RASSF3: variants seen among roughly 807,000 people sequenced by gnomAD.
RASSF3 encodes the protein Ras association domain family member 3.
Under a neutral mutation model 19.9 loss-of-function variants are expected in RASSF3, and 19 were observed. The ratio of observed to expected loss-of-function variants is 0.96; its 90% CI spans 0.67 to 1.40. The LOEUF (loss-of-function observed/expected upper bound fraction) is 1.40, where lower values mean the gene tolerates loss of function less well. Ranked by LOEUF, RASSF3 falls within the 40% of genes most tolerant of loss-of-function variation. The pLI is 0.00. For missense variants in RASSF3, 306 were observed against 289.8 expected, an observed-to-expected ratio of 1.06 and a Z score of -0.41; for synonymous variants, 110 against 104.2, an observed-to-expected ratio of 1.06 and a Z score of -0.34.
intron 1 of RASSF3, among the ~76,000 whole-genome samples, chr12:64,515,042 A>T (rs993946703): frequency 2.7e-5 from 4 of 150,470 alleles, no homozygotes; most frequent in Non-Finnish European, 4.4e-5. Context: ...TTATTTATTT[A>T]TCATTTATTT....
At chr12:64,508,448 C>T (rs962618325) in intron 1 of RASSF3, among the ~76,000 whole-genome samples, 5 of 151,182 alleles carry the variant, frequency 3.3e-5, no homozygotes, top group Admixed American at 6.6e-5. Context: ...ACCTGGGAGG[C>T]GAAGGTTGCA....
chr12:64,645,873 T>C (rs75787812), intron 1 of RASSF3, among the ~76,000 whole-genome samples: 2,473 of 152,308 alleles, frequency 0.016, 64 homozygotes, highest in African/African-American at 0.057. Context: ...AAGGTTCCTA[T>C]GTGACTGTTC....
intron 1 of RASSF3, chr12:64,628,634 T>G (rs1405638727): frequency 6.6e-6 from 1 of 152,254 alleles, no homozygotes; most frequent in Non-Finnish European, 1.5e-5. Context: ...GTAGCTGGGA[T>G]TACAGGCATG....
intron 2 of RASSF3, among the ~76,000 whole-genome samples, chr12:64,580,979 C>A (rs552397498): frequency 6.4e-4 from 90 of 141,686 alleles, no homozygotes; most frequent in African/African-American, 2.2e-3. Context: ...GGATTCAACT[C>A]ATTCAACCTG....
At chr12:64,627,718 T>A (rs983898744) in intron 1 of RASSF3, among the ~76,000 whole-genome samples, 4 of 152,202 alleles carry the variant, frequency 2.6e-5, no homozygotes, top group Non-Finnish European at 4.4e-5. Flanking sequence ...TAATAGCTTA[T>A]GTATTCATGT....
chr12:64,592,787 C>T (rs1230296839), intron 2 of RASSF3, among the ~76,000 whole-genome samples: 1 of 152,038 alleles, frequency 6.6e-6, no homozygotes, highest in Non-Finnish European at 1.5e-5. Flanking sequence ...CAGGTGCATG[C>T]CAAGATGCCT....
At chr12:64,514,620 G>A (rs745395730) in intron 1 of RASSF3, among the ~76,000 whole-genome samples, 22 of 152,140 alleles carry the variant, frequency 1.4e-4, no homozygotes, top group African/African-American at 7.2e-5. Context: ...CACAAAATTC[G>A]TATCTGAAGT....
chr12:64,607,435 T>C (rs1418587002), upstream of RASSF3, among the ~76,000 whole-genome samples: 3 of 152,152 alleles, frequency 2.0e-5, no homozygotes, highest in Non-Finnish European at 4.4e-5. Context: ...AGTGGCGTGA[T>C]CTTGGCTCAC....
intron 2 of RASSF3, among the ~76,000 whole-genome samples, chr12:64,558,795 GC>G (rs1237369876): frequency 6.6e-6 from 1 of 152,106 alleles, no homozygotes; most frequent in African/African-American, 2.4e-5. Flanking sequence ...TCAATGGGTT[GC>G]AGATCTGAAA....
At chr12:64,665,489 G>A (rs189278490) in intron 1 of RASSF3, among the ~76,000 whole-genome samples, 1 of 152,186 alleles carries the variant, frequency 6.6e-6, no homozygotes, top group Admixed American at 6.5e-5. Flanking sequence ...GAGGTAGGAG[G>A]TGGAACTTGA....
In RASSF3 at chr12:64,660,811, C is replaced by T. The variant is rs568671359; in HGVS notation, c.112-23976C>T. On this transcript the variant is annotated intron_variant, in intron 1 of 4. Coordinates refer to ENST00000542104, the MANE Select transcript of RASSF3 (RefSeq NM_178169.4). ...CAAGCTTTGTTCTGCTGACTTGTCT[C>T]GTGCTTAGTAGTCCTTTCCTGCCTC... 8.5e-5 allele frequency among the ~76,000 whole-genome samples: 13 copies of T among 152,244 alleles called. No homozygotes were observed. The South Asian group carries it at 2.1e-3, about 24-fold the overall frequency.
At chr12:64,556,359 T>A (rs926256835) in intron 2 of RASSF3, among the ~76,000 whole-genome samples, 1 of 152,122 alleles carries the variant, frequency 6.6e-6, no homozygotes, top group Non-Finnish European at 1.5e-5. Context: ...GGTCTTGCCA[T>A]GTTGCCCAGG....
chr12:64,571,503 G>T (rs1028007048), intron 2 of RASSF3, among the ~76,000 whole-genome samples: 1 of 152,152 alleles, frequency 6.6e-6, no homozygotes, highest in South Asian at 2.1e-4. Flanking sequence ...TCTGTCTGGA[G>T]ATGTGCTGGG....
At chr12:64,692,387 A>C (rs1273274936) in intron 4 of RASSF3, among the ~76,000 whole-genome samples, 5 of 152,224 alleles carry the variant, frequency 3.3e-5, no homozygotes, top group Admixed American at 2.6e-4. Context: ...TTTAGCCCTC[A>C]GTTTTAAAAT....
chr12:64,643,765 G>A (rs892811543), intron 1 of RASSF3, among the ~76,000 whole-genome samples: 1 of 152,112 alleles, frequency 6.6e-6, no homozygotes, highest in African/African-American at 2.4e-5. Flanking sequence ...TTAGACTGGG[G>A]TCTTTGGGTA....
intron 1 of RASSF3, among the ~76,000 whole-genome samples, chr12:64,679,246 A>G (rs1450490605): frequency 6.6e-6 from 1 of 152,134 alleles, no homozygotes; most frequent in African/African-American, 2.4e-5. Context: ...TTTTTTGTAG[A>G]GATGGGGTTT....
chr12:64,595,372 CAT>C (rs1263328303), intron 2 of RASSF3, among the ~76,000 whole-genome samples: 1 of 152,004 alleles, frequency 6.6e-6, no homozygotes, highest in Non-Finnish European at 1.5e-5. Context: ...CCAGCTTCTT[CAT>C]AACAAATCTT....
intron 2 of RASSF3, among the ~76,000 whole-genome samples, chr12:64,578,817 G>A (rs753901560): frequency 7.8e-4 from 119 of 152,252 alleles, no homozygotes; most frequent in South Asian, 1.9e-3. Flanking sequence ...AACTGCCTCC[G>A]TCAGCCAGCT....
At chr12:64,693,480 G>T (rs541905964) in intron 4 of RASSF3, among the ~76,000 whole-genome samples, 2 of 151,346 alleles carry the variant, frequency 1.3e-5, no homozygotes, top group African/African-American at 4.9e-5. Flanking sequence ...GTACAGTGGC[G>T]CAATCATGGC....
Sources: allele counts gnomAD v4.1 joint callset (sites outside exome capture counted in the v4.1 genomes callset), GRCh38; gene constraint gnomAD v4.1.1; transcripts MANE v1.5; gene names NCBI Gene and HGNC (gene_info 2026-07-23, HGNC 2026-07-21).